NRXN3: variants seen among roughly 807,000 people sequenced by gnomAD.
NRXN3 encodes neurexin III.
A neutral mutation model predicts 137.6 loss-of-function variants in NRXN3; 32 were observed. The observed-to-expected ratio is 0.23, with a 90% CI of 0.18 to 0.31. The LOEUF (loss-of-function observed/expected upper bound fraction) is 0.31. Ranked by LOEUF, NRXN3 falls within the 10% of genes least tolerant of loss-of-function variation. The probability of loss-of-function intolerance (pLI) is 1.00; values close to 1 mark genes in which losing one functional copy is unlikely to be tolerated. For missense variants in NRXN3, 1,574 were observed against 2,062.5 expected, an observed-to-expected ratio of 0.76 and a Z score of 4.59; for synonymous variants, 798 against 784.5, an observed-to-expected ratio of 1.02 and a Z score of -0.29.
intron 1 of NRXN3, among the ~76,000 whole-genome samples, chr14:78,226,754 T>G (rs576254205): frequency 6.2e-4 from 95 of 152,308 alleles, no homozygotes; most frequent in African/African-American, 2.2e-3. Context: ...AAAAAAACTT[T>G]GAAATTTTTT....
At chr14:79,578,497 C>T (rs929418499) in intron 16 of NRXN3, among the ~76,000 whole-genome samples, 19 of 152,210 alleles carry the variant, frequency 1.2e-4, no homozygotes, top group African/African-American at 4.1e-4. Context: ...TAAGCCGCAT[C>T]GTTGGTGTGA....
intron 10 of NRXN3, among the ~76,000 whole-genome samples, chr14:78,925,118 A>T (rs777422339): frequency 6.6e-6 from 1 of 152,238 alleles, no homozygotes; most frequent in Non-Finnish European, 1.5e-5. Flanking sequence ...ACAAGCTCTC[A>T]ATCCTATCTG....
intron 16 of NRXN3, among the ~76,000 whole-genome samples, chr14:79,586,624 C>T (rs778798113): frequency 1.6e-4 from 24 of 152,246 alleles, no homozygotes; most frequent in African/African-American, 3.1e-4. Context: ...CGTGAGCCAC[C>T]GCGCCAGGCC....
intron 4 of NRXN3, among the ~76,000 whole-genome samples, chr14:78,400,433 T>A (rs2091944230): frequency 6.6e-6 from 1 of 152,214 alleles, no homozygotes; most frequent in Admixed American, 6.5e-5. Flanking sequence ...TTTATGGGCA[T>A]CTTTTATAGA....
At chr14:79,639,330 C>A (rs547641835) in intron 16 of NRXN3, among the ~76,000 whole-genome samples, 2 of 152,070 alleles carry the variant, frequency 1.3e-5, no homozygotes, top group African/African-American at 2.4e-5. Flanking sequence ...AAGCCTTGTA[C>A]CCAATAGTTA....
At position 79,094,250 on chromosome 14, in the gene NRXN3, C is replaced by T. The variant is rs116323854; in HGVS notation, c.3262+106109C>T. On this transcript the variant is annotated intron_variant, in intron 15 of 20. Coordinates refer to ENST00000335750, the MANE Select transcript of NRXN3 (RefSeq NM_001330195.2). Reference sequence around the variant, plus strand: ...TAGAGCTAACCCCTGAATTGCCTACCGTGGCTTACCTTGCTTCTGAATTCT... The same window carrying T: ...TAGAGCTAACCCCTGAATTGCCTACTGTGGCTTACCTTGCTTCTGAATTCT... 6.2e-3 allele frequency among the ~76,000 whole-genome samples: 939 copies of T among 152,184 alleles called. 11 individuals carry two copies. The highest frequency in any genetic ancestry group is 0.021 in the African/African-American group (887 of 41,534).
chr14:78,312,492 T>A (rs2078086504), intron 4 of NRXN3, among the ~76,000 whole-genome samples: 1 of 152,214 alleles, frequency 6.6e-6, no homozygotes, highest in Non-Finnish European at 1.5e-5. Flanking sequence ...AGGGACTGAT[T>A]TACAAACTGT....
chr14:78,836,277 G>C (rs2098996690), intron 10 of NRXN3, among the ~76,000 whole-genome samples: 1 of 152,182 alleles, frequency 6.6e-6, no homozygotes, highest in Non-Finnish European at 1.5e-5. Flanking sequence ...GGGGAAAGGG[G>C]AGACAGAAAA....
chr14:79,712,326 C>T (rs1280622867), intron 19 of NRXN3, among the ~76,000 whole-genome samples: 1 of 152,184 alleles, frequency 6.6e-6, no homozygotes, highest in Non-Finnish European at 1.5e-5. Context: ...TGCCCTACAA[C>T]CCACACACAC....
At chr14:79,153,197 C>T (rs1313482992) in intron 15 of NRXN3, among the ~76,000 whole-genome samples, 1 of 151,718 alleles carries the variant, frequency 6.6e-6, no homozygotes, top group African/African-American at 2.4e-5. Flanking sequence ...TGACCTGTAT[C>T]AGCCTAACTG....
At chr14:78,759,858 C>T (rs1336625203) in intron 8 of NRXN3, among the ~76,000 whole-genome samples, 2 of 152,082 alleles carry the variant, frequency 1.3e-5, no homozygotes, top group African/African-American at 4.8e-5. Flanking sequence ...TGCTTACTTT[C>T]TGTCAGCTTT....
At position 78,843,685 on chromosome 14, in the gene NRXN3, T is replaced by G. The variant is rs571947763; in HGVS notation, c.2275+33341T>G. ...TTTTCCTTGGGTAATTCCATTTCCC[T>G]CAATAAAGAAGGGAGGTTCTTCCAT... On this transcript the variant is annotated intron_variant, in intron 10 of 20. Transcript: ENST00000335750. Among the ~76,000 whole-genome samples, 24 of 152,256 alleles carry G rather than the reference T, an allele frequency of 1.6e-4. No individual in the cohort carries two copies. In the South Asian group the frequency reaches 5.0e-3, roughly 32 times the overall value.
intron 4 of NRXN3, among the ~76,000 whole-genome samples, chr14:78,375,115 A>G (rs1378343517): frequency 2.0e-5 from 3 of 152,228 alleles, no homozygotes; most frequent in South Asian, 4.1e-4. Context: ...AAGGACTCCA[A>G]CCTTTTGATA....
In NRXN3 at chr14:79,094,188, G is replaced by A. The variant is rs2049799164; in HGVS notation, c.3262+106047G>A. On this transcript the variant is annotated intron_variant, in intron 15 of 20. Transcript: ENST00000335750. ...AATGGTTAGAAGGGGACATGGCAGA[G>A]TTACAGGATTACCAATCAGTGTCCT... 2.0e-5 allele frequency among the ~76,000 whole-genome samples: 3 copies of A among 152,200 alleles called. No homozygotes were observed. The South Asian group carries it at 6.2e-4, about 32-fold the overall frequency.
chr14:79,216,760 A>G (rs918441982), intron 15 of NRXN3, among the ~76,000 whole-genome samples: 2 of 152,208 alleles, frequency 1.3e-5, no homozygotes, highest in African/African-American at 4.8e-5. Flanking sequence ...AACTACAACT[A>G]TTTAATAAAT....
chr14:79,130,377 G>C (rs971708223), intron 15 of NRXN3, among the ~76,000 whole-genome samples: 3 of 151,904 alleles, frequency 2.0e-5, no homozygotes, highest in Non-Finnish European at 4.4e-5. Flanking sequence ...AGGCCTGGTG[G>C]TGACAAAATC....
intron 15 of NRXN3, among the ~76,000 whole-genome samples, chr14:79,301,827 A>C (rs1336677355): frequency 6.6e-6 from 1 of 151,960 alleles, no homozygotes; most frequent in East Asian, 1.9e-4. Context: ...TGTATGTTTA[A>C]GGGATGCATT....
chr14:79,373,037 A>T (rs777312310), intron 15 of NRXN3, among the ~76,000 whole-genome samples: 34 of 152,146 alleles, frequency 2.2e-4, no homozygotes, highest in Non-Finnish European at 4.4e-4. Flanking sequence ...AACTCTGTGA[A>T]TCTGACGCTT....
At chr14:78,235,033 T>C (rs1339779658) in intron 1 of NRXN3, among the ~76,000 whole-genome samples, 1 of 121,586 alleles carries the variant, frequency 8.2e-6, no homozygotes, top group African/African-American at 3.4e-5. Flanking sequence ...TGTGTATATA[T>C]ATATGTGTGT....
Sources: gnomAD v4.1 joint callset for allele counts (sites outside exome capture counted in the v4.1 genomes callset) on GRCh38, gnomAD v4.1.1 for gene constraint, MANE v1.5 for transcripts, NCBI Gene and HGNC (gene_info 2026-07-23, HGNC 2026-07-21) for gene names.